Variants in GPC6 observed in about 807,000 individuals in gnomAD.
GPC6 encodes glypican 6.
A neutral mutation model predicts 55.2 loss-of-function variants in GPC6; 14 were observed. That is an observed-to-expected ratio of 0.25 (90% CI 0.17 to 0.40). The LOEUF is 0.40. Ranked by LOEUF, GPC6 falls within the 10% of genes least tolerant of loss-of-function variation. The probability of loss-of-function intolerance (pLI) is 1.00; values close to 1 mark genes in which losing one functional copy is unlikely to be tolerated. For synonymous variants in GPC6, 278 were observed against 259.6 expected (o/e 1.07, Z -0.68); for missense variants, 641 against 708.5 (o/e 0.90, Z 1.08).
chr13:94,091,819 G>C (rs913550557), intron 4 of GPC6, among the ~76,000 whole-genome samples: 2 of 151,796 alleles, frequency 1.3e-5, no homozygotes, highest in Non-Finnish European at 2.9e-5. Context: ...GAACATAAGA[G>C]TCATAACCCC....
chr13:94,085,108 G>T (rs930488715), intron 4 of GPC6, among the ~76,000 whole-genome samples: 2 of 152,006 alleles, frequency 1.3e-5, no homozygotes, highest in South Asian at 2.1e-4. Flanking sequence ...CAGATCACAA[G>T]GTCAGGAGTT....
intron 1 of GPC6, among the ~76,000 whole-genome samples, chr13:93,509,107 G>A (rs1348592475): frequency 6.6e-6 from 1 of 152,164 alleles, no homozygotes; most frequent in East Asian, 1.9e-4. Context: ...GGGGTGAACA[G>A]AAGAGGCAAA....
At chr13:93,393,853 A>G (rs1311868037) in intron 1 of GPC6, among the ~76,000 whole-genome samples, 1 of 139,368 alleles carries the variant, frequency 7.2e-6, no homozygotes, top group Non-Finnish European at 1.6e-5. Context: ...TGTGGTTCAT[A>G]GAAAGTCAAC....
At chr13:93,561,426 T>TATATATATATATATA (rs61094312) in intron 2 of GPC6, among the ~76,000 whole-genome samples, 36 of 143,422 alleles carry the variant, frequency 2.5e-4, no homozygotes, top group African/African-American at 3.4e-4. Context: ...TATATATATA[T>TATATATATATATATA]TTGTTGCAGT....
intron 3 of GPC6, among the ~76,000 whole-genome samples, chr13:93,983,759 T>C (rs961027264): frequency 1.4e-5 from 2 of 148,056 alleles, no homozygotes; most frequent in Non-Finnish European, 1.5e-5. Flanking sequence ...TGTTTGTGGA[T>C]ACTGTAAGTT....
At chr13:93,537,866 A>G (rs1305710621) in intron 1 of GPC6, among the ~76,000 whole-genome samples, 1 of 151,974 alleles carries the variant, frequency 6.6e-6, no homozygotes. Context: ...TATTAATGTA[A>G]TTGTTACTTA....
chr13:93,291,220 G>T (rs1228787182), intron 1 of GPC6, among the ~76,000 whole-genome samples: 3 of 152,046 alleles, frequency 2.0e-5, no homozygotes, highest in Non-Finnish European at 4.4e-5. Context: ...CATCTTGATG[G>T]CCAGACCTCT....
intron 2 of GPC6, among the ~76,000 whole-genome samples, chr13:93,792,537 C>T (rs1285400599): frequency 6.6e-6 from 1 of 152,154 alleles, no homozygotes; most frequent in Non-Finnish European, 1.5e-5. Context: ...TCTTGAACTC[C>T]TGGCCTCAAG....
intron 4 of GPC6, among the ~76,000 whole-genome samples, chr13:94,099,129 TA>T (rs1357512224): frequency 2.6e-5 from 4 of 152,284 alleles, no homozygotes; most frequent in Non-Finnish European, 4.4e-5. Flanking sequence ...TTCTGACCCA[TA>T]AAATATACTG....
At chr13:93,625,445 G>A (rs778336207) in intron 2 of GPC6, among the ~76,000 whole-genome samples, 41 of 152,234 alleles carry the variant, frequency 2.7e-4, no homozygotes, top group Middle Eastern at 3.4e-3. Flanking sequence ...GTGTGCTACC[G>A]GTGAGATCCT....
chr13:93,765,498 A>AAG (rs1885104562), intron 2 of GPC6, among the ~76,000 whole-genome samples: 1 of 152,020 alleles, frequency 6.6e-6, no homozygotes, highest in African/African-American at 2.4e-5. Context: ...TTTAAAAAAA[A>AAG]TGAGATGAGT....
At chr13:93,666,480 C>T (rs972501665) in intron 2 of GPC6, among the ~76,000 whole-genome samples, 1 of 152,158 alleles carries the variant, frequency 6.6e-6, no homozygotes, top group Non-Finnish European at 1.5e-5. Context: ...ATGCCTACTT[C>T]ACTCTGTTGT....
intron 1 of GPC6, among the ~76,000 whole-genome samples, chr13:93,276,487 AGAGAGAGAGTGTGTGTGTGT>A (rs1319058928): frequency 4.9e-4 from 66 of 135,782 alleles, no homozygotes; most frequent in East Asian, 2.1e-4. Flanking sequence ...AGAGAGAGAG[AGAGAGAGAGTGTGTGTGTGT>A]GTGTGTGTGT....
At chr13:93,761,029 A>G (rs1884936612) in intron 2 of GPC6, among the ~76,000 whole-genome samples, 1 of 152,228 alleles carries the variant, frequency 6.6e-6, no homozygotes, top group South Asian at 2.1e-4. Flanking sequence ...ATATATGAGC[A>G]GTATTACTTT....
intron 4 of GPC6, among the ~76,000 whole-genome samples, chr13:94,060,503 T>C (rs1185788925): frequency 2.6e-5 from 4 of 152,190 alleles, no homozygotes; most frequent in Non-Finnish European, 5.9e-5. Context: ...ACTTGCCACT[T>C]AGGCCATTTA....
At chr13:93,849,465 GAATGACTGAA>G (rs1566568311) in intron 3 of GPC6, among the ~76,000 whole-genome samples, 6 of 152,076 alleles carry the variant, frequency 3.9e-5, no homozygotes, top group Non-Finnish European at 8.8e-5. Flanking sequence ...AATGAAAGAT[GAATGACTGAA>G]TATAAGCTGA....
rs567137476 is a variant in GPC6 at position 93,979,604 on chromosome 13, C to T, written c.712-48125C>T. On this transcript the variant is annotated intron_variant, in intron 3 of 8. Coordinates refer to ENST00000377047, the MANE Select transcript of GPC6 (RefSeq NM_005708.5). ...AGTAAGCATTTAGAAGACTTACAGC[C>T]GCTTGATATTGACATAGCATTCAAA... 4.6e-5 allele frequency among the ~76,000 whole-genome samples: 7 copies of T among 152,042 alleles called. No individual in the cohort carries two copies. In the South Asian group the frequency reaches 1.0e-3, roughly 23 times the overall value.
At chr13:93,595,247 G>A (rs1265913299) in intron 2 of GPC6, among the ~76,000 whole-genome samples, 1 of 151,912 alleles carries the variant, frequency 6.6e-6, no homozygotes, top group Admixed American at 6.6e-5. Flanking sequence ...CTAACAAAAA[G>A]GTTTAAAATA....
intron 3 of GPC6, among the ~76,000 whole-genome samples, chr13:93,918,785 T>C (rs530878222): frequency 6.6e-6 from 1 of 152,180 alleles, no homozygotes; most frequent in African/African-American, 2.4e-5. Context: ...ACCACACATA[T>C]CTATTTCAAG....
Sources: allele counts gnomAD v4.1 joint callset (sites outside exome capture counted in the v4.1 genomes callset), GRCh38; gene constraint gnomAD v4.1.1; transcripts MANE v1.5; gene names NCBI Gene and HGNC (gene_info 2026-07-23, HGNC 2026-07-21).